LRRC4C: variants seen among roughly 807,000 people sequenced by gnomAD.
LRRC4C encodes the protein leucine rich repeat containing 4C, also known as leucine-rich repeat-containing protein 4C.
A neutral mutation model predicts 33.6 loss-of-function variants in LRRC4C; 5 were observed. The observed-to-expected ratio is 0.15, with a 90% CI of 0.08 to 0.31. The LOEUF (loss-of-function observed/expected upper bound fraction) is 0.31, where lower values mean the gene tolerates loss of function less well. LRRC4C is among the 10% of genes least tolerant of loss of function. LRRC4C has a pLI of 1.00. For synonymous variants in LRRC4C, 329 were observed against 302.0 expected, an observed-to-expected ratio of 1.09 and a Z score of -0.93; for missense variants, 560 against 796.7, an observed-to-expected ratio of 0.70 and a Z score of 3.58.
intron 3 of LRRC4C, among the ~76,000 whole-genome samples, chr11:40,322,352 C>T (rs1945891816): frequency 6.6e-6 from 1 of 151,984 alleles, no homozygotes; most frequent in African/African-American, 2.4e-5. Flanking sequence ...TTCAAGGGAT[C>T]CTCCTGCCTC....
chr11:40,737,009 C>T (rs868096212), intron 2 of LRRC4C, among the ~76,000 whole-genome samples: 103 of 152,026 alleles, frequency 6.8e-4, no homozygotes, highest in Middle Eastern at 6.8e-3. Flanking sequence ...TAATTAGATT[C>T]GTTTTGTCAA....
At chr11:40,790,172 G>A (rs1017595793) in intron 2 of LRRC4C, among the ~76,000 whole-genome samples, 9 of 152,172 alleles carry the variant, frequency 5.9e-5, no homozygotes, top group African/African-American at 1.9e-4. Context: ...TAAGTGGATT[G>A]GAGAAGATTA....
intron 3 of LRRC4C, among the ~76,000 whole-genome samples, chr11:40,544,164 A>G (rs1300801428): frequency 6.6e-6 from 1 of 152,106 alleles, no homozygotes; most frequent in Non-Finnish European, 1.5e-5. Flanking sequence ...AACTTTCATA[A>G]AGTAACTACA....
intron 1 of LRRC4C, among the ~76,000 whole-genome samples, chr11:41,242,461 T>A (rs1221741800): frequency 6.6e-6 from 1 of 152,136 alleles, no homozygotes; most frequent in Non-Finnish European, 1.5e-5. Context: ...GAGAGATGGA[T>A]GGCACCTAGA....
Position 40,697,655 on chromosome 11 carries a change from T to G in LRRC4C, c.-406-49377A>C, listed in dbSNP as rs567614904. 3.3e-5 allele frequency among the ~76,000 whole-genome samples: 5 copies of G among 152,268 alleles called. No individual in the cohort carries two copies. The South Asian group carries it at 1.0e-3, about 32-fold the overall frequency. On this transcript the variant is annotated intron_variant, in intron 2 of 6. Coordinates refer to ENST00000528697, the MANE Select transcript of LRRC4C (RefSeq NM_001258419.2). ...ATAATTTAGAGTTAGCTTACTCCCT[T>G]TAAGTATTGGTTAAGAACACAGTTT...
At chr11:40,694,559 A>G (rs1040410546) in intron 2 of LRRC4C, among the ~76,000 whole-genome samples, 1 of 152,164 alleles carries the variant, frequency 6.6e-6, no homozygotes, top group Non-Finnish European at 1.5e-5. Flanking sequence ...ATTTCCCTGG[A>G]AGTGCCAGAG....
intron 3 of LRRC4C, among the ~76,000 whole-genome samples, chr11:40,545,877 A>G (rs972998400): frequency 6.6e-6 from 1 of 152,028 alleles, no homozygotes; most frequent in Admixed American, 6.6e-5. Flanking sequence ...ATTAAAAAAT[A>G]GAGCAACTTG....
At chr11:41,409,851 T>G (rs1178263165) in intron 1 of LRRC4C, among the ~76,000 whole-genome samples, 1 of 152,216 alleles carries the variant, frequency 6.6e-6, no homozygotes, top group Admixed American at 6.5e-5. Context: ...AACTGAATAT[T>G]TGTATAGATA....
rs146692698 is a variant in LRRC4C at position 40,639,603 on chromosome 11, G to A, written c.-270+8539C>T. ...GCATTCAATTTAGGAGTCACTCTCT[G>A]TAATAGATGCATGCCATTTGGTTGA... On this transcript the variant is annotated intron_variant, in intron 3 of 6. Transcript: ENST00000528697. Among the ~76,000 whole-genome samples the A allele has an allele frequency of 1.4e-4, 22 of 152,322 alleles. No individual in the cohort carries two copies. In the East Asian group the frequency reaches 4.2e-3, roughly 29 times the overall value.
intron 5 of LRRC4C, among the ~76,000 whole-genome samples, chr11:40,167,101 C>G (rs868804775): frequency 6.6e-6 from 1 of 152,088 alleles, no homozygotes; most frequent in Non-Finnish European, 1.5e-5. Context: ...TAATCCTGAC[C>G]GTTGGCCTTA....
At chr11:41,378,913 G>A (rs934914874) in intron 1 of LRRC4C, among the ~76,000 whole-genome samples, 5 of 151,432 alleles carry the variant, frequency 3.3e-5, no homozygotes, top group African/African-American at 9.7e-5. Context: ...ATAAGTCAGC[G>A]GGAAGAGTTT....
intron 2 of LRRC4C, among the ~76,000 whole-genome samples, chr11:40,880,863 G>GTATATATATATA (rs61004501): frequency 1.4e-5 from 2 of 145,598 alleles, no homozygotes; most frequent in East Asian, 4.0e-4. Context: ...ATGTGTGTGT[G>GTATATATATATA]TATATATATA....
At chr11:41,446,667 C>T (rs1383735679) in intron 1 of LRRC4C, among the ~76,000 whole-genome samples, 1 of 152,026 alleles carries the variant, frequency 6.6e-6, no homozygotes, top group East Asian at 1.9e-4. Flanking sequence ...TTCCACATTC[C>T]ATCAAAGTAA....
rs1333424835 is a variant in LRRC4C at position 40,254,546 on chromosome 11, CTATT to C, written c.-175-12952_-175-12949del. The stretch of plus-strand genomic sequence containing the variant: ...TGTGATGTGTTATTCTTAGGTCTAT[CTATT>C]CAACTCCTCCTTTTTAAAAACATGA... On this transcript the variant is annotated intron_variant, in intron 4 of 6. Coordinates refer to ENST00000528697, the MANE Select transcript of LRRC4C (RefSeq NM_001258419.2). 1.6e-4 allele frequency among the ~76,000 whole-genome samples: 25 copies of C among 152,308 alleles called. No homozygotes were observed. The South Asian group carries it at 2.5e-3, about 15-fold the overall frequency.
chr11:41,368,063 T>C (rs1952609710), intron 1 of LRRC4C, among the ~76,000 whole-genome samples: 1 of 152,158 alleles, frequency 6.6e-6, no homozygotes, highest in Non-Finnish European at 1.5e-5. Context: ...AAATCTCATA[T>C]TGAGTTAGCA....
chr11:40,527,966 G>A (rs1043236479), intron 3 of LRRC4C, among the ~76,000 whole-genome samples: 2 of 151,956 alleles, frequency 1.3e-5, no homozygotes, highest in Non-Finnish European at 2.9e-5. Flanking sequence ...GGCTGGTCTC[G>A]AACTCCTGAC....
intron 2 of LRRC4C, among the ~76,000 whole-genome samples, chr11:40,662,538 G>A (rs912959355): frequency 6.6e-6 from 1 of 152,182 alleles, no homozygotes; most frequent in African/African-American, 2.4e-5. Flanking sequence ...GGACTATCGG[G>A]AGGAACATAG....
intron 4 of LRRC4C, among the ~76,000 whole-genome samples, chr11:40,249,498 C>A (rs1177743555): frequency 4.0e-5 from 6 of 150,934 alleles, no homozygotes; most frequent in South Asian, 4.2e-4. Context: ...GTAATGAGAT[C>A]AAAAATATTT....
intron 1 of LRRC4C, among the ~76,000 whole-genome samples, chr11:41,042,036 G>T (rs1857469239): frequency 6.6e-6 from 1 of 152,114 alleles, no homozygotes; most frequent in Admixed American, 6.6e-5. Context: ...CTAAATTAAA[G>T]AAAAGATGCA....
Sources: allele counts gnomAD v4.1 joint callset (sites outside exome capture counted in the v4.1 genomes callset), GRCh38; gene constraint gnomAD v4.1.1; transcripts MANE v1.5; gene names NCBI Gene and HGNC (gene_info 2026-07-23, HGNC 2026-07-21).